The following SPIRE1 variants were observed in gnomAD, a reference collection of about 807,000 sequenced individuals.
The protein encoded by SPIRE1 is spire type actin nucleation factor 1.
SPIRE1 carries 40 observed loss-of-function variants against 94.1 expected under a neutral mutation model. The ratio of observed to expected loss-of-function variants is 0.43; its 90% CI spans 0.33 to 0.55. The LOEUF (loss-of-function observed/expected upper bound fraction) is 0.55, where lower values mean the gene tolerates loss of function less well. Ranked by LOEUF, SPIRE1 falls within the 20% of genes least tolerant of loss-of-function variation. The pLI, the probability that SPIRE1 is intolerant of heterozygous loss-of-function variation, is 0.06. For missense variants in SPIRE1, 838 were observed against 975.2 expected (o/e 0.86, Z 1.87); for synonymous variants, 376 against 371.7 (o/e 1.01, Z -0.13).
At chr18:12,519,306 C>T (rs571222670) in intron 4 of SPIRE1, among the ~76,000 whole-genome samples, 2 of 152,194 alleles carry the variant, frequency 1.3e-5, no homozygotes, top group East Asian at 3.9e-4. Context: ...TAGAATTCCT[C>T]TATTCTTCCA....
chr18:12,497,010 G>A (rs917958778), intron 6 of SPIRE1, among the ~76,000 whole-genome samples: 7 of 152,188 alleles, frequency 4.6e-5, no homozygotes, highest in African/African-American at 9.6e-5. Flanking sequence ...GGAGGTTGCA[G>A]TGAGCCGAGA....
chr18:12,612,113 C>T (rs1462362165), intron 2 of SPIRE1, among the ~76,000 whole-genome samples: 6 of 152,132 alleles, frequency 3.9e-5, no homozygotes, highest in Admixed American at 6.6e-5. Flanking sequence ...TTTGCCCTCA[C>T]GCTACCCAGC....
chr18:12,490,387 T>C (rs1196479220), intron 8 of SPIRE1, among the ~76,000 whole-genome samples: 1 of 152,184 alleles, frequency 6.6e-6, no homozygotes, highest in Admixed American at 6.5e-5. Flanking sequence ...TGGTGAATTC[T>C]ACCAAATATT....
chr18:12,523,735 G>A (rs1214098555), intron 4 of SPIRE1, among the ~76,000 whole-genome samples: 2 of 152,074 alleles, frequency 1.3e-5, no homozygotes, highest in Non-Finnish European at 2.9e-5. Flanking sequence ...AGGATGGAGT[G>A]CAAAATGGTG....
intron 2 of SPIRE1, among the ~76,000 whole-genome samples, chr18:12,594,676 T>G (rs1172137370): frequency 6.6e-6 from 1 of 152,234 alleles, no homozygotes; most frequent in Non-Finnish European, 1.5e-5. Flanking sequence ...TCTTTCCCTC[T>G]TATTATAAAA....
intron 13 of SPIRE1, among the ~76,000 whole-genome samples, chr18:12,453,591 G>T (rs1348240431): frequency 6.6e-6 from 1 of 151,894 alleles, no homozygotes; most frequent in African/African-American, 2.4e-5. Flanking sequence ...CTGCTACCAG[G>T]CCTGGCTAAT....
intron 8 of SPIRE1, among the ~76,000 whole-genome samples, chr18:12,491,594 TC>T (rs1349214621): frequency 4.6e-5 from 7 of 152,026 alleles, no homozygotes; most frequent in African/African-American, 1.7e-4. Flanking sequence ...TCTCCTGGGC[TC>T]AAGTGATCCA....
intron 2 of SPIRE1, among the ~76,000 whole-genome samples, chr18:12,608,736 T>TAATA (rs1328455963): frequency 2.6e-5 from 4 of 152,194 alleles, no homozygotes; most frequent in Non-Finnish European, 5.9e-5. Flanking sequence ...GCAATAATAA[T>TAATA]ATCAATAGTA....
intron 2 of SPIRE1, among the ~76,000 whole-genome samples, chr18:12,611,569 T>C (rs2037142043): frequency 6.6e-6 from 1 of 152,218 alleles, no homozygotes; most frequent in Non-Finnish European, 1.5e-5. Context: ...CACAAAACAC[T>C]GAGCCAGAAT....
intron 14 of SPIRE1, among the ~76,000 whole-genome samples, chr18:12,452,854 G>C (rs1464989802): frequency 6.6e-6 from 1 of 152,082 alleles, no homozygotes; most frequent in Non-Finnish European, 1.5e-5. Context: ...AACATACAGA[G>C]AAACATTTTC....
At chr18:12,611,433 AG>A (rs1394724333) in intron 2 of SPIRE1, among the ~76,000 whole-genome samples, 2 of 152,218 alleles carry the variant, frequency 1.3e-5, no homozygotes, top group Non-Finnish European at 2.9e-5. Flanking sequence ...AAGCCTATAT[AG>A]TAAGTAAGAA....
intron 4 of SPIRE1, among the ~76,000 whole-genome samples, chr18:12,534,261 T>C (rs2034775539): frequency 6.6e-6 from 1 of 152,180 alleles, no homozygotes; most frequent in Non-Finnish European, 1.5e-5. Context: ...GGGCAAATAG[T>C]TTAGTTTTTC....
Position 12,448,374 on chromosome 18 carries a change from T to C in SPIRE1, c.*1264A>G, listed in dbSNP as rs2031047774. The C allele has an allele frequency of 1.3e-5, 2 of 152,616 alleles. No individual in the cohort carries two copies. Among genetic ancestry groups the C allele is most frequent in the South Asian group, 4.1e-4 (2 of 4,830 alleles). 9.5% of individuals were successfully genotyped at this position (152,616 alleles called of 1,614,324 possible). A position where few individuals can be genotyped will look rare whatever the true frequency, so the allele number is the denominator to read the frequency against. On this transcript the variant is annotated 3_prime_UTR_variant, in exon 17 of 17. Coordinates refer to ENST00000409402, the MANE Select transcript of SPIRE1 (RefSeq NM_001128626.2). The surrounding 1 kb of genome is among the most constrained non-coding windows in gnomAD (Gnocchi z 4.4). Reference sequence around the variant, plus strand: ...ATTGTGCATGTGCATTAACAGATTTTCCAAACATTAATGACAATTTGATTG... The same window carrying C: ...ATTGTGCATGTGCATTAACAGATTTCCCAAACATTAATGACAATTTGATTG...
rs963241284 is a variant in SPIRE1 at position 12,657,675 on chromosome 18, C to T, written c.192G>A (p.Gln64=). The change falls in exon 1 of 17, where the codon CAG becomes CAA. Residue 64 remains glutamine (Q), a synonymous_variant. Transcript: ENST00000409402. ...CGGCGGCGCGCAGGGAACCGCAGCA[C>T]TGGTAGCACACGGCCCACGCCTGCT... The part of the protein sequence containing the change: ...NEEQAWAVCY[Q]CCGSLRAAAR... The T allele has an allele frequency of 1.5e-6, 2 of 1,363,322 alleles. No individual in the cohort carries two copies. Among genetic ancestry groups the T allele is most frequent in the South Asian group, 1.7e-5 (1 of 57,296 alleles). The allele number at this position is 1,363,322 out of a possible 1,614,324, so 84.5% of individuals were successfully genotyped here.
chr18:12,496,779 G>T (rs2033474913), intron 6 of SPIRE1, among the ~76,000 whole-genome samples: 1 of 152,192 alleles, frequency 6.6e-6, no homozygotes, highest in Non-Finnish European at 1.5e-5. Flanking sequence ...TGAGGCAGGA[G>T]AATGGCATGA....
In SPIRE1 at chr18:12,465,047, T is replaced by C; in HGVS notation, c.1405-89A>G. ...ACATTTTATTATTAAACAGTTATTT[T>C]AACATGAGGCACCAAAGTATGTCAA... is the stretch of plus-strand genomic sequence containing the variant. On this transcript the variant is annotated intron_variant, in intron 10 of 16. Coordinates refer to ENST00000409402, the MANE Select transcript of SPIRE1 (RefSeq NM_001128626.2). The C allele has an allele frequency of 5.3e-6, 6 of 1,131,016 alleles. No individual in the cohort carries two copies. In the South Asian group the frequency reaches 7.4e-5, roughly 14 times the overall value. The allele number at this position is 1,131,016 out of a possible 1,614,324, so 70.1% of individuals were successfully genotyped here.
At chr18:12,512,609 A>G in intron 4 of SPIRE1, 78 bp from the exon 5 acceptor site, 1 of 860,546 alleles carries the variant, frequency 1.2e-6, no homozygotes, top group Non-Finnish European at 1.9e-6. Context: ...ATATCTTCAG[A>G]TAAGACATAT....
intron 8 of SPIRE1, among the ~76,000 whole-genome samples, chr18:12,487,743 C>T (rs1405539066): frequency 6.6e-6 from 1 of 152,126 alleles, no homozygotes; most frequent in Non-Finnish European, 1.5e-5. Context: ...AAGCACTCTG[C>T]TTTTACAATT....
At chr18:12,565,138 C>A (rs2035786535) in intron 2 of SPIRE1, among the ~76,000 whole-genome samples, 1 of 152,062 alleles carries the variant, frequency 6.6e-6, no homozygotes, top group Non-Finnish European at 1.5e-5. Context: ...CAGTTTCTAA[C>A]TACAGAAAAT....
Sources: allele counts gnomAD v4.1 joint callset (sites outside exome capture counted in the v4.1 genomes callset), GRCh38; gene constraint gnomAD v4.1.1; non-coding constraint Gnocchi (gnomAD v3.1); transcripts MANE v1.5; gene names NCBI Gene and HGNC (gene_info 2026-07-23, HGNC 2026-07-21).